DGKB: variants seen among roughly 807,000 people sequenced by gnomAD.
The protein encoded by DGKB is diacylglycerol kinase beta, also known as 90 kDa diacylglycerol kinase.
DGKB carries 67 observed loss-of-function variants against 114.3 expected under a neutral mutation model. That is an observed-to-expected ratio of 0.59 (90% CI 0.48 to 0.72). The LOEUF (loss-of-function observed/expected upper bound fraction) is 0.72, where lower values mean the gene tolerates loss of function less well. DGKB is among the 30% of genes least tolerant of loss of function. DGKB has a pLI of 0.00. For missense variants in DGKB, 907 were observed against 975.2 expected (o/e 0.93, Z 0.93); for synonymous variants, 398 against 323.1 (o/e 1.23, Z -2.49).
Position 14,752,455 on chromosome 7 carries a change from C to T in DGKB, c.168+1473G>A, listed in dbSNP as rs190611336. Among the ~76,000 whole-genome samples the T allele has an allele frequency of 2.9e-3, 448 of 152,196 alleles. 1 individual carries two copies. The highest frequency in any genetic ancestry group is 0.011 in the African/African-American group (438 of 41,536). ...TGGAGTTATGAAAGCGTAACTCAGC[C>T]TCAGGCCAAGGAACATCTACTGACA... On this transcript the variant is annotated intron_variant, in intron 4 of 25. Transcript: ENST00000402815.
chr7:14,173,762 GT>G (rs1183311225), intron 25 of DGKB, among the ~76,000 whole-genome samples: 1 of 152,162 alleles, frequency 6.6e-6, no homozygotes, highest in Non-Finnish European at 1.5e-5. Context: ...CCATGCGGCT[GT>G]GGGAAAAGTA....
intron 23 of DGKB, among the ~76,000 whole-genome samples, chr7:14,229,855 A>T (rs1426851359): frequency 3.3e-5 from 5 of 152,048 alleles, no homozygotes; most frequent in Non-Finnish European, 7.4e-5. Flanking sequence ...TTTAACTGAT[A>T]GAAAAACATG....
rs1562972962 is a variant in DGKB at position 14,343,200 on chromosome 7, A to ACACACAC, written c.1926+2100_1926+2101insGTGTGTG. Among the ~76,000 whole-genome samples the ACACACAC allele has an allele frequency of 6.0e-3, 329 of 54,644 alleles. 5 individuals carry two copies. The highest frequency in any genetic ancestry group is 0.015 in the African/African-American group (305 of 20,886). The allele number at this position is 54,644 out of a possible 152,430, so 35.8% of individuals were successfully genotyped here. A position where few individuals can be genotyped will look rare whatever the true frequency, so the allele number is the denominator to read the frequency against. On this transcript the variant is annotated intron_variant, in intron 22 of 25. Coordinates refer to ENST00000402815, the MANE Select transcript of DGKB (RefSeq NM_001350709.2). ...ACACACACACACACACACACACACAACAAGATATGCAAAAATACAAGGGGG... is the reference window on the plus strand; with the variant it reads ...ACACACACACACACACACACACACAACACACACCAAGATATGCAAAAATACAAGGGGG...
chr7:14,917,294 G>C (rs1249094982), intron 1 of DGKB, among the ~76,000 whole-genome samples: 1 of 151,880 alleles, frequency 6.6e-6, no homozygotes, highest in Non-Finnish European at 1.5e-5. Flanking sequence ...GAGATAAACA[G>C]AATGGAAAAC....
intron 22 of DGKB, among the ~76,000 whole-genome samples, chr7:14,343,157 CCACACACACACACACA>C (rs3067654): frequency 7.5e-6 from 1 of 132,848 alleles, no homozygotes; most frequent in Non-Finnish European, 1.6e-5. Context: ...GCCTAGCTAT[CCACACACACACACACA>C]CACACACACA....
chr7:14,563,176 G>T (rs1796923848), intron 20 of DGKB, among the ~76,000 whole-genome samples: 1 of 152,100 alleles, frequency 6.6e-6, no homozygotes, highest in Non-Finnish European at 1.5e-5. Flanking sequence ...TGCCATGATT[G>T]GGAGGCCTCC....
intron 23 of DGKB, among the ~76,000 whole-genome samples, chr7:14,285,572 G>A (rs1562840382): frequency 6.6e-6 from 1 of 152,150 alleles, no homozygotes; most frequent in African/African-American, 2.4e-5. Context: ...CTACTTCATG[G>A]ATGAAGTATC....
intron 23 of DGKB, among the ~76,000 whole-genome samples, chr7:14,292,965 C>T (rs540658211): frequency 6.6e-6 from 1 of 152,056 alleles, no homozygotes; most frequent in Non-Finnish European, 1.5e-5. Context: ...TCTGGATGGC[C>T]AATTCAGAGA....
chr7:14,568,346 T>G (rs780955955), intron 20 of DGKB, among the ~76,000 whole-genome samples: 1 of 152,210 alleles, frequency 6.6e-6, no homozygotes, highest in Non-Finnish European at 1.5e-5. Flanking sequence ...ATTGCCATAG[T>G]GTCTAGTTAT....
At chr7:14,817,363 T>A (rs566380993) in intron 2 of DGKB, among the ~76,000 whole-genome samples, 3 of 152,316 alleles carry the variant, frequency 2.0e-5, no homozygotes, top group African/African-American at 7.2e-5. Flanking sequence ...GTGTCTAGGC[T>A]CAAAATTTGG....
At chr7:14,244,024 T>TGAGAGAGAGAGACAGA (rs1794048064) in intron 23 of DGKB, among the ~76,000 whole-genome samples, 1 of 148,314 alleles carries the variant, frequency 6.7e-6, no homozygotes, top group Non-Finnish European at 1.5e-5. Context: ...TGAGAGATTC[T>TGAGAGAGAGAGACAGA]GAGAGAGAGA....
intron 20 of DGKB, among the ~76,000 whole-genome samples, chr7:14,533,407 C>T (rs1214284270): frequency 6.6e-6 from 1 of 151,572 alleles, no homozygotes; most frequent in Non-Finnish European, 1.5e-5. Flanking sequence ...TTTTGAGATA[C>T]CACCGTGTGA....
intron 1 of DGKB, among the ~76,000 whole-genome samples, chr7:14,893,815 G>T (rs1781678299): frequency 6.6e-6 from 1 of 151,114 alleles, no homozygotes; most frequent in Non-Finnish European, 1.5e-5. Flanking sequence ...TGAGTCTCTT[G>T]TTCTCCCCAT....
chr7:14,468,428 G>C (rs1338135436), intron 21 of DGKB, among the ~76,000 whole-genome samples: 1 of 152,052 alleles, frequency 6.6e-6, no homozygotes, highest in Non-Finnish European at 1.5e-5. Context: ...TAAAACACGA[G>C]ATAAATTGAG....
At chr7:14,943,178 CCTGT>C (rs1234847258) in intron 1 of DGKB, among the ~76,000 whole-genome samples, 4 of 151,598 alleles carry the variant, frequency 2.6e-5, no homozygotes, top group Admixed American at 6.6e-5. Flanking sequence ...TATATTTAAA[CCTGT>C]CTATCTGTTG....
chr7:14,562,436 C>T (rs1265345007), intron 20 of DGKB, among the ~76,000 whole-genome samples: 1 of 152,174 alleles, frequency 6.6e-6, no homozygotes, highest in African/African-American at 2.4e-5. Context: ...ATGGCAGATC[C>T]ACTGGCAGCT....
Position 14,824,122 on chromosome 7 carries a change from G to C in DGKB, c.70+17072C>G, listed in dbSNP as rs181054205. On this transcript the variant is annotated intron_variant, in intron 2 of 25. Transcript: ENST00000402815. ...GAGACTTATTCACTATTATGGGAAA[G>C]AGCACAGGAAAGACCCACCCCCCAT... 1.8e-3 allele frequency among the ~76,000 whole-genome samples: 280 copies of C among 152,084 alleles called. 1 individual carries two copies. Among genetic ancestry groups the C allele is most frequent in the African/African-American group, 6.5e-3 (268 of 41,476 alleles).
At chr7:14,651,450 C>G (rs959509067) in intron 13 of DGKB, among the ~76,000 whole-genome samples, 12 of 140,376 alleles carry the variant, frequency 8.5e-5, no homozygotes, top group South Asian at 7.1e-4. Context: ...ATTCAACAAC[C>G]CTTCATGCTA....
chr7:14,797,931 G>A (rs940996804), intron 2 of DGKB, among the ~76,000 whole-genome samples: 9 of 152,116 alleles, frequency 5.9e-5, no homozygotes, highest in Admixed American at 2.0e-4. Context: ...CATGGACACC[G>A]GAGAGTGAAT....
Sources: gnomAD v4.1 joint callset for allele counts (sites outside exome capture counted in the v4.1 genomes callset) on GRCh38, gnomAD v4.1.1 for gene constraint, MANE v1.5 for transcripts, NCBI Gene and HGNC (gene_info 2026-07-23, HGNC 2026-07-21) for gene names.